ANO10: variants seen among roughly 807,000 people sequenced by gnomAD.
The protein encoded by ANO10 is anoctamin 10, also known as anoctamin-10.
ANO10 carries 77 observed loss-of-function variants against 74.7 expected under a neutral mutation model. The ratio of observed to expected loss-of-function variants is 1.03; its 90% CI spans 0.86 to 1.25. ANO10 has a LOEUF of 1.25. ANO10 is among the 50% of genes most tolerant of loss of function. The pLI is 0.00. For synonymous variants in ANO10, 279 were observed against 284.9 expected (o/e 0.98, Z 0.21); for missense variants, 721 against 778.1 (o/e 0.93, Z 0.87).
At chr3:43,534,365 A>G (rs2078604750) in intron 11 of ANO10, among the ~76,000 whole-genome samples, 1 of 152,242 alleles carries the variant, frequency 6.6e-6, no homozygotes, top group Non-Finnish European at 1.5e-5. Flanking sequence ...GAAATGCTTG[A>G]GAATGGTTCT....
intron 1 of ANO10, among the ~76,000 whole-genome samples, chr3:43,621,289 C>A (rs900550492): frequency 6.6e-6 from 1 of 152,168 alleles, no homozygotes; most frequent in Non-Finnish European, 1.5e-5. Flanking sequence ...TCTCAGGTGT[C>A]CCAGGCACTA....
intron 11 of ANO10, among the ~76,000 whole-genome samples, chr3:43,503,673 A>C (rs1382286068): frequency 6.6e-6 from 1 of 152,230 alleles, no homozygotes. Flanking sequence ...AACATCTCTG[A>C]AGAAACCAAA....
At chr3:43,616,477 A>G (rs980170327) in intron 1 of ANO10, among the ~76,000 whole-genome samples, 4 of 152,228 alleles carry the variant, frequency 2.6e-5, no homozygotes, top group Non-Finnish European at 2.9e-5. Context: ...GCAGCTCAAT[A>G]ATAACCTCAA....
intron 12 of ANO10, among the ~76,000 whole-genome samples, chr3:43,425,977 C>G (rs1250331200): frequency 6.6e-6 from 1 of 152,122 alleles, no homozygotes; most frequent in Non-Finnish European, 1.5e-5. Context: ...CAACAAGAAC[C>G]TTGGCTTCCA....
At chr3:43,656,995 C>T (rs1281248416) in intron 1 of ANO10, among the ~76,000 whole-genome samples, 1 of 152,244 alleles carries the variant, frequency 6.6e-6, no homozygotes, top group African/African-American at 2.4e-5. Context: ...CTCTCAAAAG[C>T]ATTTAAATTT....
intron 8 of ANO10, among the ~76,000 whole-genome samples, chr3:43,562,384 G>A (rs956987713): frequency 2.8e-5 from 4 of 144,784 alleles, no homozygotes; most frequent in Non-Finnish European, 5.9e-5. Flanking sequence ...CCCAGGAGGC[G>A]GAGCTTGCAG....
At chr3:43,467,938 C>G (rs746908144) in intron 11 of ANO10, among the ~76,000 whole-genome samples, 5 of 152,128 alleles carry the variant, frequency 3.3e-5, no homozygotes, top group South Asian at 2.1e-4. Context: ...TATGAAACTA[C>G]ATGGAAAAAC....
chr3:43,619,739 C>T lies in ANO10; in HGVS notation c.-12+2170G>A, dbSNP rs919237047. 7.9e-5 allele frequency among the ~76,000 whole-genome samples: 12 copies of T among 151,838 alleles called. No homozygotes were observed. In the East Asian group the frequency reaches 1.9e-3, roughly 25 times the overall value. On this transcript the variant is annotated intron_variant, in intron 1 of 12. Coordinates refer to ENST00000292246, the MANE Select transcript of ANO10 (RefSeq NM_018075.5). ...AATTAGCTGGATACGGTGAAGCTCT[C>T]GCCTGTAGTCCCAGCTACCCAGGAG... is the stretch of plus-strand genomic sequence containing the variant.
Position 43,596,009 on chromosome 3 carries a change from AC to A in ANO10, c.472+2522del, listed in dbSNP as rs1412572035. ...CCAAATCATGAGTGAACTCCCATTC[AC>A]AGTTGCTTCAAAGAAAATAAAAAAC... On this transcript the variant is annotated intron_variant, in intron 4 of 12. Coordinates refer to ENST00000292246, the MANE Select transcript of ANO10 (RefSeq NM_018075.5). Among the ~76,000 whole-genome samples, 26 of 152,212 alleles carry A rather than the reference AC, an allele frequency of 1.7e-4. 1 individual carries two copies. Among genetic ancestry groups the A allele is most frequent in the Admixed American group, 1.7e-3 (26 of 15,284 alleles).
intron 12 of ANO10, among the ~76,000 whole-genome samples, chr3:43,378,408 T>C (rs2091870507): frequency 6.6e-6 from 1 of 152,192 alleles, no homozygotes; most frequent in African/African-American, 2.4e-5. Context: ...AACAGATCCT[T>C]ATGAAATGCA....
intron 4 of ANO10, among the ~76,000 whole-genome samples, chr3:43,594,675 T>G (rs2149462101): frequency 6.6e-6 from 1 of 152,198 alleles, no homozygotes; most frequent in Non-Finnish European, 1.5e-5. Context: ...GATCTAAAAT[T>G]GACACCCTAA....
chr3:43,528,405 A>C (rs1338527959), intron 11 of ANO10, among the ~76,000 whole-genome samples: 1 of 152,102 alleles, frequency 6.6e-6, no homozygotes. Flanking sequence ...ATTTAAGAAC[A>C]TGAAAAAAAA....
intron 1 of ANO10, among the ~76,000 whole-genome samples, chr3:43,676,547 A>G (rs2084124692): frequency 6.6e-6 from 1 of 152,184 alleles, no homozygotes. Flanking sequence ...GGAATAGATT[A>G]GTTGTTGGGT....
intron 7 of ANO10, among the ~76,000 whole-genome samples, chr3:43,568,090 C>A (rs2149371653): frequency 6.6e-6 from 1 of 152,088 alleles, no homozygotes; most frequent in African/African-American, 2.4e-5. Flanking sequence ...ACAAAGAAGG[C>A]CATTACATAA....
At chr3:43,546,451 G>T (rs978481803) in intron 11 of ANO10, among the ~76,000 whole-genome samples, 5 of 152,168 alleles carry the variant, frequency 3.3e-5, no homozygotes, top group Admixed American at 3.3e-4. Flanking sequence ...TGTATACACA[G>T]TCAAATGATT....
intron 11 of ANO10, among the ~76,000 whole-genome samples, chr3:43,446,838 A>G (rs1027370038): frequency 1.3e-5 from 2 of 152,196 alleles, no homozygotes; most frequent in African/African-American, 2.4e-5. Flanking sequence ...GTATATACCT[A>G]TATCTTTTTG....
chr3:43,460,397 A>G (rs1261222837), intron 11 of ANO10, among the ~76,000 whole-genome samples: 1 of 152,222 alleles, frequency 6.6e-6, no homozygotes, highest in African/African-American at 2.4e-5. Flanking sequence ...CCACACATGC[A>G]CACACAAAAT....
At chr3:43,468,324 C>T (rs1189542466) in intron 11 of ANO10, among the ~76,000 whole-genome samples, 2 of 152,138 alleles carry the variant, frequency 1.3e-5, no homozygotes, top group Non-Finnish European at 2.9e-5. Context: ...CACATGGGCC[C>T]TTGGGAAATG....
chr3:43,508,242 T>C (rs1253662761), intron 11 of ANO10, among the ~76,000 whole-genome samples: 2 of 152,204 alleles, frequency 1.3e-5, no homozygotes, highest in African/African-American at 4.8e-5. Context: ...TATGTGAAGC[T>C]ACAGACTGGG....
Sources: allele counts gnomAD v4.1 joint callset (sites outside exome capture counted in the v4.1 genomes callset), GRCh38; gene constraint gnomAD v4.1.1; transcripts MANE v1.5; gene names NCBI Gene and HGNC (gene_info 2026-07-23, HGNC 2026-07-21).